CLSTN2: variants seen among roughly 807,000 people sequenced by gnomAD.
The protein encoded by CLSTN2 is calsyntenin 2.
In CLSTN2, 48 loss-of-function variants were observed where a neutral mutation model predicts 101.2. The observed-to-expected ratio is 0.47, with a 90% CI of 0.38 to 0.60. The LOEUF (loss-of-function observed/expected upper bound fraction) is 0.60, where lower values mean the gene tolerates loss of function less well. Among genes scored for constraint, CLSTN2 ranks in the 20% least tolerant of loss-of-function variants. The pLI, the probability that CLSTN2 is intolerant of heterozygous loss-of-function variation, is 0.00. For synonymous variants in CLSTN2, 481 were observed against 463.6 expected, an observed-to-expected ratio of 1.04 and a Z score of -0.48; for missense variants, 1,160 against 1,238.2, an observed-to-expected ratio of 0.94 and a Z score of 0.95.
chr3:140,348,379 A>G (rs1482386919), intron 2 of CLSTN2, among the ~76,000 whole-genome samples: 1 of 152,168 alleles, frequency 6.6e-6, no homozygotes, highest in Admixed American at 6.5e-5. Flanking sequence ...CCTTATATTC[A>G]TGCCGTGATT....
At chr3:140,262,486 T>A (rs1017015534) in intron 2 of CLSTN2, among the ~76,000 whole-genome samples, 1 of 35,598 alleles carries the variant, frequency 2.8e-5, no homozygotes, top group Non-Finnish European at 6.0e-5. Flanking sequence ...TGATGAATTA[T>A]GAACTCTAAC....
At chr3:140,218,120 G>A (rs2010942036) in intron 2 of CLSTN2, among the ~76,000 whole-genome samples, 1 of 152,098 alleles carries the variant, frequency 6.6e-6, no homozygotes, top group South Asian at 2.1e-4. Flanking sequence ...AAAATGTAAT[G>A]GCTATCATTT....
chr3:140,540,398 G>A (rs1364106358), intron 9 of CLSTN2, among the ~76,000 whole-genome samples: 1 of 152,120 alleles, frequency 6.6e-6, no homozygotes, highest in African/African-American at 2.4e-5. Context: ...GCATCCCCCG[G>A]GATTGTGTGG....
At chr3:140,173,747 G>A (rs537590146) in intron 1 of CLSTN2, among the ~76,000 whole-genome samples, 126 of 152,278 alleles carry the variant, frequency 8.3e-4, no homozygotes, top group Non-Finnish European at 1.1e-3. Flanking sequence ...AAGACTTGGC[G>A]CTTGCACCAT....
At chr3:140,033,440 C>G (rs546213407) in intron 1 of CLSTN2, among the ~76,000 whole-genome samples, 74 of 152,324 alleles carry the variant, frequency 4.9e-4, no homozygotes, top group Admixed American at 3.5e-3. Context: ...CTTTGTTTTT[C>G]TTTTCCATTC....
chr3:140,136,272 T>C (rs1358243071), intron 1 of CLSTN2, among the ~76,000 whole-genome samples: 1 of 152,174 alleles, frequency 6.6e-6, no homozygotes, highest in Admixed American at 6.5e-5. Context: ...GGTTTTGTAG[T>C]TAGAGGATAG....
At chr3:140,470,359 G>A (rs1205432413) in intron 8 of CLSTN2, among the ~76,000 whole-genome samples, 3 of 152,248 alleles carry the variant, frequency 2.0e-5, no homozygotes, top group South Asian at 2.1e-4. Flanking sequence ...GTCTGTGGAA[G>A]CCCATGCAGG....
chr3:140,133,022 A>G (rs888572667), intron 1 of CLSTN2, among the ~76,000 whole-genome samples: 1 of 152,202 alleles, frequency 6.6e-6, no homozygotes, highest in Non-Finnish European at 1.5e-5. Flanking sequence ...TTTTTTAAAA[A>G]AGAGGTTTAT....
At chr3:140,171,604 T>TAC (rs1434430958) in intron 1 of CLSTN2, among the ~76,000 whole-genome samples, 25 of 138,026 alleles carry the variant, frequency 1.8e-4, no homozygotes, top group Non-Finnish European at 2.9e-4. Flanking sequence ...TACTGTATAA[T>TAC]GTGCATTATA....
chr3:140,392,421 G>A (rs1398031541), intron 2 of CLSTN2, among the ~76,000 whole-genome samples: 1 of 151,908 alleles, frequency 6.6e-6, no homozygotes, highest in African/African-American at 2.4e-5. Context: ...GTTTTTATCA[G>A]AAATATTTGA....
intron 1 of CLSTN2, among the ~76,000 whole-genome samples, chr3:139,999,940 G>A (rs143216454): frequency 2.3e-5 from 3 of 129,224 alleles, no homozygotes; most frequent in East Asian, 2.6e-4. Flanking sequence ...GGGCAATGGC[G>A]TGAAACCTTG....
intron 1 of CLSTN2, among the ~76,000 whole-genome samples, chr3:140,055,377 T>A (rs1228706360): frequency 6.6e-6 from 1 of 152,176 alleles, no homozygotes; most frequent in African/African-American, 2.4e-5. Context: ...TTTAAGCAGA[T>A]CTTTGGAGGT....
chr3:140,561,703 A>G (rs1037240802), intron 12 of CLSTN2, among the ~76,000 whole-genome samples: 1 of 152,162 alleles, frequency 6.6e-6, no homozygotes, highest in African/African-American at 2.4e-5. Flanking sequence ...GGAGAAAGCT[A>G]TGAGAGCATG....
chr3:139,978,942 T>C (rs1935867981), intron 1 of CLSTN2, among the ~76,000 whole-genome samples: 2 of 151,860 alleles, frequency 1.3e-5, no homozygotes, highest in African/African-American at 4.8e-5. Flanking sequence ...CCCTGTAGAG[T>C]GATTTGACTC....
At chr3:140,436,904 A>G (rs2088693397) in intron 5 of CLSTN2, among the ~76,000 whole-genome samples, 1 of 152,178 alleles carries the variant, frequency 6.6e-6, no homozygotes, top group Non-Finnish European at 1.5e-5. Context: ...GACAGTGCTG[A>G]GAAAGCTGTG....
At chr3:140,252,925 G>A (rs2086576318) in intron 2 of CLSTN2, among the ~76,000 whole-genome samples, 1 of 152,134 alleles carries the variant, frequency 6.6e-6, no homozygotes, top group Non-Finnish European at 1.5e-5. Flanking sequence ...TGTGGCCAGT[G>A]TGTCTCTGTG....
chr3:140,008,912 G>A (rs189193326), intron 1 of CLSTN2, among the ~76,000 whole-genome samples: 13 of 152,296 alleles, frequency 8.5e-5, no homozygotes, highest in Non-Finnish European at 1.3e-4. Context: ...GATCCAAATA[G>A]CATTTGTTTT....
At chr3:139,945,568 A>T (rs1404104680) in intron 1 of CLSTN2, among the ~76,000 whole-genome samples, 1 of 152,186 alleles carries the variant, frequency 6.6e-6, no homozygotes, top group Non-Finnish European at 1.5e-5. Flanking sequence ...TGTAGCCTGC[A>T]TGTGTCACAC....
At chr3:140,144,010 A>G (rs1423526902) in intron 1 of CLSTN2, among the ~76,000 whole-genome samples, 1 of 152,242 alleles carries the variant, frequency 6.6e-6, no homozygotes, top group Non-Finnish European at 1.5e-5. Flanking sequence ...GACGGATAAA[A>G]TTAACAGAAG....
Sources: allele counts gnomAD v4.1 joint callset (sites outside exome capture counted in the v4.1 genomes callset), GRCh38; gene constraint gnomAD v4.1.1; transcripts MANE v1.5; gene names NCBI Gene and HGNC (gene_info 2026-07-23, HGNC 2026-07-21).